DCLK1: variants seen among roughly 807,000 people sequenced by gnomAD.
DCLK1 encodes doublecortin like kinase 1.
A neutral mutation model predicts 86.2 loss-of-function variants in DCLK1; 16 were observed. The ratio of observed to expected loss-of-function variants is 0.19; its 90% confidence interval spans 0.13 to 0.28. The LOEUF is 0.28. Ranked by LOEUF, DCLK1 falls within the 10% of genes least tolerant of loss-of-function variation. DCLK1 has a pLI of 1.00. For missense variants in DCLK1, 590 were observed against 940.2 expected (o/e 0.63, Z 4.87); for synonymous variants, 369 against 370.5 (o/e 1.00, Z 0.05).
chr13:36,063,457 G>A (rs1284025866), intron 3 of DCLK1, among the ~76,000 whole-genome samples: 2 of 151,986 alleles, frequency 1.3e-5, no homozygotes, highest in Non-Finnish European at 2.9e-5. Flanking sequence ...ATATATAAGA[G>A]AAAAAAATAT....
chr13:36,039,402 C>A (rs969004613), intron 3 of DCLK1, among the ~76,000 whole-genome samples: 1 of 152,132 alleles, frequency 6.6e-6, no homozygotes, highest in African/African-American at 2.4e-5. Flanking sequence ...TTCACTCTTC[C>A]AAAAGGTAGC....
intron 3 of DCLK1, among the ~76,000 whole-genome samples, chr13:36,032,817 CT>C (rs1454801163): frequency 1.3e-5 from 2 of 152,252 alleles, no homozygotes; most frequent in Admixed American, 1.3e-4. Flanking sequence ...CACTTTCCTA[CT>C]TCCTTTTATC....
At chr13:36,064,950 CAT>C (rs951102356) in intron 3 of DCLK1, among the ~76,000 whole-genome samples, 1 of 152,162 alleles carries the variant, frequency 6.6e-6, no homozygotes, top group Admixed American at 6.5e-5. Flanking sequence ...ATAATTCAAC[CAT>C]ATTCCTAAAC....
chr13:36,130,935 G>C (rs1430887568), intron 1 of DCLK1, among the ~76,000 whole-genome samples, 179 bp downstream of exon 1: 2 of 151,920 alleles, frequency 1.3e-5, no homozygotes, highest in African/African-American at 4.8e-5. Context: ...CCCCCGGGTC[G>C]GGCCAGGCTG....
At chr13:36,014,992 C>G (rs761393173) in intron 3 of DCLK1, among the ~76,000 whole-genome samples, 5 of 68,388 alleles carry the variant, frequency 7.3e-5, no homozygotes, top group Non-Finnish European at 1.1e-4. Flanking sequence ...CTCTCCCTCT[C>G]TCTCTCTCTC....
rs568938856 is a variant in DCLK1, at chr13:36,089,953, G to A, written c.723+21916C>T. ...ACAAATCTTAGTAATCCAGATGTGC[G>A]TTTGCAATTCCTATGGTCCCCAAGT... On this transcript the variant is annotated intron_variant, in intron 3 of 16. Coordinates refer to ENST00000360631, the MANE Select transcript of DCLK1 (RefSeq NM_001330071.2). 3.9e-5 allele frequency among the ~76,000 whole-genome samples: 6 copies of A among 152,250 alleles called. No individual in the cohort carries two copies. The East Asian group carries it at 9.7e-4, about 25-fold the overall frequency.
At chr13:35,953,944 CA>C (rs112354713) in intron 3 of DCLK1, among the ~76,000 whole-genome samples, 2 of 152,264 alleles carry the variant, frequency 1.3e-5, no homozygotes, top group African/African-American at 4.8e-5. Context: ...GTATCAGAGA[CA>C]CCAAAATATT....
At chr13:35,881,429 CT>C (rs925334311) in intron 4 of DCLK1, among the ~76,000 whole-genome samples, 15 of 152,142 alleles carry the variant, frequency 9.9e-5, no homozygotes, top group Non-Finnish European at 1.3e-4. Flanking sequence ...AAAGCCTTCC[CT>C]TTTTTTCTTC....
chr13:35,790,296 T>C (rs573413366), intron 16 of DCLK1, among the ~76,000 whole-genome samples: 3 of 152,320 alleles, frequency 2.0e-5, no homozygotes, highest in African/African-American at 7.2e-5. Flanking sequence ...GTATGCTTTT[T>C]TCTTTTGTCA....
Position 35,961,117 on chromosome 13 carries a change from C to T in DCLK1, c.724-13660G>A, listed in dbSNP as rs1878435234. 5.3e-5 allele frequency among the ~76,000 whole-genome samples: 8 copies of T among 152,174 alleles called. 1 individual carries two copies. Among genetic ancestry groups the T allele is most frequent in the Admixed American group, 3.9e-4 (6 of 15,282 alleles). On this transcript the variant is annotated intron_variant, in intron 3 of 16. Coordinates refer to ENST00000360631, the MANE Select transcript of DCLK1 (RefSeq NM_001330071.2). ...GAGTCAGAGAAACTTAAGTTTAAAACTCAATTCCATGAATGGGAGACTTGA... is the reference window on the plus strand; with the variant it reads ...GAGTCAGAGAAACTTAAGTTTAAAATTCAATTCCATGAATGGGAGACTTGA...
chr13:35,854,592 A>G lies in DCLK1; in HGVS notation c.942T>C (p.Val314=). 2.5e-6 allele frequency: 4 copies of G among 1,588,156 alleles called. No homozygotes were observed. Among genetic ancestry groups the G allele is most frequent in the Non-Finnish European group, 3.4e-6 (4 of 1,165,866 alleles). Residue 314 remains valine, a splice_region_variant and synonymous_variant, in exon 6 of 17, where the codon GTT becomes GTC. Coordinates refer to ENST00000360631, the MANE Select transcript of DCLK1 (RefSeq NM_001330071.2). The stretch of plus-strand genomic sequence containing the variant: ...AGAGCTGACTACCAGGGGTTCCATT[A>G]ACTAGAAATACAAAGAATCACACAC... ...RSKSPASTSS[V]NGTPGSQLST... is the part of the protein sequence containing the mutation.
chr13:35,812,809 T>G (rs998507667), intron 11 of DCLK1, among the ~76,000 whole-genome samples: 1 of 152,200 alleles, frequency 6.6e-6, no homozygotes, highest in Non-Finnish European at 1.5e-5. Flanking sequence ...CACCTGTGAT[T>G]GGGTTGTTAG....
chr13:36,029,596 A>C (rs1882187060), intron 3 of DCLK1, among the ~76,000 whole-genome samples: 1 of 152,222 alleles, frequency 6.6e-6, no homozygotes, highest in South Asian at 2.1e-4. Context: ...AGATACAAGC[A>C]GAATCCCAGT....
chr13:35,923,973 G>A (rs150829448), intron 4 of DCLK1, among the ~76,000 whole-genome samples: 5 of 152,170 alleles, frequency 3.3e-5, no homozygotes, highest in African/African-American at 9.6e-5. Context: ...ATAGTTCGAG[G>A]GATCATAAGG....
chr13:36,022,071 A>C (rs1041492510), intron 3 of DCLK1, among the ~76,000 whole-genome samples: 2 of 152,128 alleles, frequency 1.3e-5, no homozygotes, highest in Non-Finnish European at 2.9e-5. Flanking sequence ...GAAATCATAC[A>C]AAGTATGTTC....
intron 16 of DCLK1, among the ~76,000 whole-genome samples, chr13:35,777,860 G>A (rs191427740): frequency 1.3e-5 from 2 of 152,298 alleles, no homozygotes; most frequent in Admixed American, 1.3e-4. Context: ...AAGTATTTTA[G>A]GAACTTCTTC....
Position 36,064,386 on chromosome 13 carries a change from C to A in DCLK1, c.723+47483G>T, listed in dbSNP as rs147147376. On this transcript the variant is annotated intron_variant, in intron 3 of 16. Coordinates refer to ENST00000360631, the MANE Select transcript of DCLK1 (RefSeq NM_001330071.2). ...ATAAGAAAGTAGGGGGTGGCGTGGG[C>A]GTGGCGGCTCATGCCTGTAATCCCA... Among the ~76,000 whole-genome samples the A allele has an allele frequency of 9.8e-3, 1,493 of 152,210 alleles. 31 individuals are homozygous for A. The highest frequency in any genetic ancestry group is 0.034 in the African/African-American group (1,428 of 41,540).
In DCLK1 at chr13:35,960,844, G is replaced by T. The variant is rs571259915; in HGVS notation, c.724-13387C>A. On this transcript the variant is annotated intron_variant, in intron 3 of 16. Transcript: ENST00000360631. ...TCACAAATCAGGAATGAGTTGACAT[G>T]ATTCTTTTTTTCTTCTACAAACTTG... is the stretch of plus-strand genomic sequence containing the variant. Among the ~76,000 whole-genome samples the T allele has an allele frequency of 3.0e-4, 45 of 152,318 alleles. 1 individual carries two copies. The South Asian group carries it at 8.1e-3, about 27-fold the overall frequency.
chr13:35,825,867 CA>C (rs1292892073), intron 10 of DCLK1, among the ~76,000 whole-genome samples: 2 of 151,446 alleles, frequency 1.3e-5, no homozygotes, highest in African/African-American at 2.4e-5. Flanking sequence ...GGCTAGAGTG[CA>C]ATGGCGCGAT....
Sources: allele counts gnomAD v4.1 joint callset (sites outside exome capture counted in the v4.1 genomes callset), GRCh38; gene constraint gnomAD v4.1.1; transcripts MANE v1.5; gene names NCBI Gene and HGNC (gene_info 2026-07-23, HGNC 2026-07-21).